Variants in R3HCC1L observed in about 807,000 individuals in gnomAD.
R3HCC1L encodes R3H domain and coiled-coil containing 1 like, also known as coiled-coil domain-containing protein R3HCC1L.
R3HCC1L carries 51 observed loss-of-function variants against 59.9 expected under a neutral mutation model. That is an observed-to-expected ratio of 0.85 (90% confidence interval 0.68 to 1.07). The LOEUF is 1.07. Among genes scored for constraint, R3HCC1L ranks in the 50% least tolerant of loss-of-function variants. The pLI is 0.00. For synonymous variants in R3HCC1L, 322 were observed against 315.2 expected, an observed-to-expected ratio of 1.02 and a Z score of -0.23; for missense variants, 965 against 933.0, an observed-to-expected ratio of 1.03 and a Z score of -0.45.
chr10:98,175,014 A>T (rs554443705), intron 4 of R3HCC1L, among the ~76,000 whole-genome samples: 1 of 152,060 alleles, frequency 6.6e-6, no homozygotes, highest in South Asian at 2.1e-4. Context: ...TAGTTCGGTT[A>T]TATATGGAAG....
chr10:98,149,058 G>T (rs1164399304), intron 1 of R3HCC1L, among the ~76,000 whole-genome samples: 1 of 152,078 alleles, frequency 6.6e-6, no homozygotes, highest in Non-Finnish European at 1.5e-5. Flanking sequence ...TTATTGGTTT[G>T]TTGAGTTTTT....
chr10:98,215,621 A>G (rs1397312094), intron 5 of R3HCC1L, among the ~76,000 whole-genome samples: 2 of 152,174 alleles, frequency 1.3e-5, no homozygotes, highest in African/African-American at 4.8e-5. Context: ...AGAACCAAAA[A>G]TCTTTGTTGC....
chr10:98,169,971 A>C (rs1235672541), intron 4 of R3HCC1L, among the ~76,000 whole-genome samples: 1 of 151,278 alleles, frequency 6.6e-6, no homozygotes, highest in Non-Finnish European at 1.5e-5. Context: ...TCACAGTAGA[A>C]GTCTTGTCCA....
chr10:98,209,059 C>T lies in R3HCC1L; in HGVS notation c.945C>T (p.Ile315=), dbSNP rs752018265. 6.2e-7 allele frequency: 1 copy of T among 1,613,718 alleles called. No homozygotes were observed. Among genetic ancestry groups the T allele is most frequent in the South Asian group, 1.1e-5 (1 of 91,074 alleles). ...TDSIPATMGH[I]SLSESTNDTV... is the part of the protein sequence containing the mutation. ...CCATTCCTGCAACTATGGGTCACAT[C>T]TCTCTGTCAGAGAGCACAAATGACA... Residue 315 remains isoleucine, a synonymous_variant, in exon 5 of 10, where the codon ATC becomes ATT. Transcript: ENST00000298999.
rs748850782 is a variant in R3HCC1L at position 98,209,342 on chromosome 10, C to T, written c.1228C>T (p.Arg410Ter). The T allele has an allele frequency of 7.4e-6, 12 of 1,613,976 alleles. No individual in the cohort carries two copies. Among genetic ancestry groups the T allele is most frequent in the Non-Finnish European group, 1.0e-5 (12 of 1,179,990 alleles). The change falls in exon 5 of 10, where the codon CGA becomes TGA. Residue 410 changes from arginine to a stop codon, truncating the protein, a stop_gained. Coordinates refer to ENST00000298999, the MANE Select transcript of R3HCC1L (RefSeq NM_001351015.2). LOFTEE classifies it high-confidence loss of function. Reference protein sequence around the residue: ...RIADETSINTRSFSKFVGMSA... With the variant: ...RIADETSINT ...AGCTGATGAGACCTCTATTAATACA[C>T]GAAGTTTCTCAAAGTTTGTAGGAAT...
chr10:98,157,184 T>C (rs141296008), intron 2 of R3HCC1L, among the ~76,000 whole-genome samples: 1 of 152,220 alleles, frequency 6.6e-6, no homozygotes, highest in African/African-American at 2.4e-5. Flanking sequence ...AGATCTCTGC[T>C]TTGTCCCCAG....
chr10:98,243,908 A>G (rs1272757353), intron 9 of R3HCC1L, among the ~76,000 whole-genome samples, 183 bp from the exon 10 acceptor site: 3 of 152,242 alleles, frequency 2.0e-5, no homozygotes, highest in African/African-American at 7.2e-5. Flanking sequence ...AATGACTTAC[A>G]GTAGTATCAT....
intron 5 of R3HCC1L, among the ~76,000 whole-genome samples, chr10:98,220,370 C>CT (rs35257520): frequency 0.27 from 37,127 of 135,838 alleles, 5,579 homozygotes; most frequent in South Asian, 0.43. Context: ...ATTTCTTTTT[C>CT]TTTTTTTTTT....
At chr10:98,204,572 G>A (rs946084044) in intron 4 of R3HCC1L, among the ~76,000 whole-genome samples, 4 of 152,162 alleles carry the variant, frequency 2.6e-5, no homozygotes, top group African/African-American at 9.6e-5. Flanking sequence ...TCATAAAAAT[G>A]CAATAAGGCT....
intron 4 of R3HCC1L, among the ~76,000 whole-genome samples, chr10:98,203,666 T>C (rs1338828949): frequency 6.6e-6 from 1 of 152,180 alleles, no homozygotes; most frequent in Non-Finnish European, 1.5e-5. Context: ...ATACCAAATA[T>C]GGGACAAAAA....
At chr10:98,233,837 CT>C (rs1403163657) in intron 6 of R3HCC1L, among the ~76,000 whole-genome samples, 1 of 152,092 alleles carries the variant, frequency 6.6e-6, no homozygotes, top group African/African-American at 2.4e-5. Context: ...CCACATAATT[CT>C]TTCTAATTTT....
chr10:98,234,516 G>A lies in R3HCC1L; in HGVS notation c.2032G>A (p.Ala678Thr). 1 of 1,609,784 alleles carries A rather than the reference G, an allele frequency of 6.2e-7. No homozygotes were observed. The highest frequency in any genetic ancestry group is 8.5e-7 in the Non-Finnish European group (1 of 1,176,720). The change falls in exon 7 of 10, where the codon GCT (alanine) becomes ACT (threonine). Residue 678 changes from alanine to threonine, a missense_variant and splice_region_variant. Transcript: ENST00000298999. ...ALGVFSSPIT[A>T]RDALGIKHTM... ...AGGAGTATTCTCCAGTCCAATTACA[G>A]GTATTCACCCAGTGGCTTTCAATCT...
intron 5 of R3HCC1L, among the ~76,000 whole-genome samples, chr10:98,229,682 G>A (rs1202648647): frequency 6.6e-6 from 1 of 152,290 alleles, no homozygotes; most frequent in Admixed American, 6.5e-5. Flanking sequence ...AATGCTTCCA[G>A]TTTTTGCCCA....
intron 1 of R3HCC1L, among the ~76,000 whole-genome samples, chr10:98,140,375 G>T (rs1845023670): frequency 6.6e-6 from 1 of 152,166 alleles, no homozygotes. Context: ...GGGAGAGACG[G>T]AAAGGCAGAA....
chr10:98,229,126 T>A (rs1376623904), intron 5 of R3HCC1L, among the ~76,000 whole-genome samples: 1 of 152,088 alleles, frequency 6.6e-6, no homozygotes, highest in Non-Finnish European at 1.5e-5. Context: ...GTGAAGAAAG[T>A]CATTGGTAGC....
chr10:98,162,617 T>C (rs1478940491), intron 2 of R3HCC1L, among the ~76,000 whole-genome samples: 1 of 152,166 alleles, frequency 6.6e-6, no homozygotes, highest in Admixed American at 6.5e-5. Context: ...AGCTATCCCA[T>C]GTATTAAAAC....
chr10:98,173,408 T>C (rs1391310308), intron 4 of R3HCC1L, among the ~76,000 whole-genome samples: 2 of 152,174 alleles, frequency 1.3e-5, no homozygotes, highest in East Asian at 3.9e-4. Context: ...GAAACCTTGC[T>C]TTTCACTTCA....
chr10:98,148,383 C>T (rs1479702627), intron 1 of R3HCC1L, among the ~76,000 whole-genome samples: 1 of 152,132 alleles, frequency 6.6e-6, no homozygotes, highest in Non-Finnish European at 1.5e-5. Flanking sequence ...GTATTTCTTT[C>T]TCTTGCCTTA....
intron 9 of R3HCC1L, 120 bp from the exon 10 acceptor site, chr10:98,243,971 T>C (rs1322583199): frequency 1.3e-6 from 1 of 768,124 alleles, no homozygotes; most frequent in East Asian, 2.7e-5. Context: ...TGTTATCAGG[T>C]AAGAGAGACC....
Sources: allele counts gnomAD v4.1 joint callset (sites outside exome capture counted in the v4.1 genomes callset), GRCh38; gene constraint gnomAD v4.1.1; transcripts MANE v1.5; gene names NCBI Gene and HGNC (gene_info 2026-07-23, HGNC 2026-07-21).